MAGED1: variants seen among roughly 807,000 people sequenced by gnomAD.
The protein encoded by MAGED1 is MAGE family member D1, also known as melanoma-associated antigen D1.
A neutral mutation model predicts 54.1 loss-of-function variants in MAGED1; 3 were observed. The ratio of observed to expected loss-of-function variants is 0.06; its 90% CI spans 0.03 to 0.14. MAGED1 has a LOEUF of 0.14. Ranked by LOEUF, MAGED1 falls within the 10% of genes least tolerant of loss-of-function variation. MAGED1 has a pLI of 1.00. For synonymous variants in MAGED1, 217 were observed against 227.3 expected, an observed-to-expected ratio of 0.95 and a Z score of 0.41; for missense variants, 485 against 623.4, an observed-to-expected ratio of 0.78 and a Z score of 2.36.
At chrX:51,862,774 CCTAT>C (rs1602244606) in intron 1 of MAGED1, among the ~76,000 whole-genome samples, 1 of 111,323 alleles carries the variant, frequency 9.0e-6, no homozygotes, top group East Asian at 2.8e-4. Flanking sequence ...TGATGAAAGT[CCTAT>C]CTGTCTAATT....
chrX:51,898,668 C>G, intron 10 of MAGED1, 25 bp downstream of exon 10: 1 of 1,179,003 alleles, frequency 8.5e-7, no homozygotes, highest in African/African-American at 1.8e-5. Context: ...AGGGGCTTTT[C>G]CTGCTTCTTA....
rs1557364064 is a variant in MAGED1 at position 51,895,256 on chromosome X, C to G, written c.249C>G (p.Ala83=). The G allele has an allele frequency of 8.3e-7, 1 of 1,211,495 alleles. No homozygotes were observed. Among genetic ancestry groups the G allele is most frequent in the Non-Finnish European group, 1.1e-6 (1 of 895,334 alleles). The change falls in exon 3 of 13, where the codon GCC becomes GCG. Residue 83 remains alanine (A), a synonymous_variant. Transcript: ENST00000326587. The stretch of plus-strand genomic sequence containing the variant: ...AGTCAGCCTTTAAAGTCCAGAATGC[C>G]ACCACAAAAGGCCCAAATGGTGTCT... The part of the protein sequence containing the change: ...RPKSAFKVQN[A]TTKGPNGVYD...
intron 1 of MAGED1, among the ~76,000 whole-genome samples, chrX:51,866,030 A>T (rs782647075): frequency 1.8e-5 from 2 of 112,063 alleles, no homozygotes; most frequent in Non-Finnish European, 3.8e-5. Context: ...GTGGAACCAT[A>T]AACTAATTAA....
At chrX:51,834,693 C>G (rs1054496362) in intron 1 of MAGED1, among the ~76,000 whole-genome samples, 2 of 111,123 alleles carry the variant, frequency 1.8e-5, no homozygotes, top group African/African-American at 6.5e-5. Flanking sequence ...GTTAGTGTTG[C>G]AAATATCTGC....
chrX:51,880,040 T>C (rs1348331552), intron 1 of MAGED1, among the ~76,000 whole-genome samples: 1 of 112,841 alleles, frequency 8.9e-6, no homozygotes, highest in African/African-American at 3.2e-5. Flanking sequence ...GACTACAAAA[T>C]AGAATTGTCT....
rs1296824135 is a variant in MAGED1 at position 51,895,382 on chromosome X, C to T, written c.375C>T (p.Ala125=). The T allele has an allele frequency of 9.1e-6, 11 of 1,205,725 alleles. No individual in the cohort carries two copies. Among genetic ancestry groups the T allele is most frequent in the Non-Finnish European group, 1.2e-5 (11 of 892,897 alleles). ...QNATPKGPNA[A]YDFSQAATTG... ...CTACCCCAAAGGGTCCAAATGCTGC[C>T]TATGATTTTTCCCAGGCAGCAACCA... The change falls in exon 3 of 13, where the codon GCC becomes GCT. Residue 125 remains alanine (A), a synonymous_variant. Transcript: ENST00000326587.
intron 1 of MAGED1, among the ~76,000 whole-genome samples, chrX:51,859,785 A>C (rs1557360480): frequency 9.0e-6 from 1 of 111,224 alleles, no homozygotes; most frequent in Non-Finnish European, 1.9e-5. Context: ...ACTAAAGGAG[A>C]GGTCAGAGAG....
intron 9 of MAGED1, 71 bp downstream of exon 9, chrX:51,898,398 G>A (rs1312708616): frequency 8.8e-7 from 1 of 1,133,871 alleles, no homozygotes; most frequent in African/African-American, 1.8e-5. Context: ...TCCCAGGATT[G>A]CATTAACCTG....
At chrX:51,807,597 T>G (rs1472681823) in intron 1 of MAGED1, among the ~76,000 whole-genome samples, 2 of 112,052 alleles carry the variant, frequency 1.8e-5, no homozygotes, top group East Asian at 5.6e-4. Flanking sequence ...TTTTTGTGTA[T>G]ATTGTCAGTA....
At chrX:51,841,491 T>G (rs1306080534) in intron 1 of MAGED1, among the ~76,000 whole-genome samples, 3 of 111,392 alleles carry the variant, frequency 2.7e-5, no homozygotes, top group Admixed American at 1.9e-4. Context: ...TTTGGTGTTT[T>G]AGACATGAAG....
At chrX:51,892,062 C>T (rs1349143444), upstream of MAGED1, among the ~76,000 whole-genome samples, 1 of 112,499 alleles carries the variant, frequency 8.9e-6, no homozygotes, top group Non-Finnish European at 1.9e-5. Context: ...AGCTTCCTTT[C>T]ATGTTCAGGC....
chrX:51,812,657 C>G (rs1403620964), intron 1 of MAGED1, among the ~76,000 whole-genome samples: 3 of 111,845 alleles, frequency 2.7e-5, no homozygotes, highest in Non-Finnish European at 5.6e-5. Flanking sequence ...ATTCATTCAT[C>G]AGATTGTAGA....
chrX:51,823,382 T>G (rs2146958456), intron 1 of MAGED1, among the ~76,000 whole-genome samples: 1 of 112,179 alleles, frequency 8.9e-6, no homozygotes, highest in Admixed American at 9.4e-5. Context: ...AATGTTATTC[T>G]TTGTCTGTTT....
intron 1 of MAGED1, among the ~76,000 whole-genome samples, chrX:51,808,612 G>T (rs1025330875): frequency 9.0e-6 from 1 of 111,712 alleles, no homozygotes; most frequent in Admixed American, 9.5e-5. Flanking sequence ...GGGAGGCTGA[G>T]GGGGGAGGAT....
chrX:51,871,059 G>A (rs1361599065), intron 1 of MAGED1, among the ~76,000 whole-genome samples: 2 of 112,377 alleles, frequency 1.8e-5, no homozygotes, highest in South Asian at 3.7e-4. Flanking sequence ...TAATGGCCTC[G>A]GTGACAACAG....
chrX:51,827,384 G>T (rs782649054), intron 1 of MAGED1, among the ~76,000 whole-genome samples: 23 of 112,429 alleles, frequency 2.0e-4, no homozygotes, highest in African/African-American at 7.4e-4. Context: ...GGGTTTGGGG[G>T]TTGGGAATGG....
At chrX:51,870,298 G>A (rs1927620404) in intron 1 of MAGED1, among the ~76,000 whole-genome samples, 1 of 112,019 alleles carries the variant, frequency 8.9e-6, no homozygotes, top group Non-Finnish European at 1.9e-5. Context: ...GAATTAAAGT[G>A]AACAAAAAAC....
At chrX:51,889,627 C>CAAAA (rs1170454113), upstream of MAGED1, among the ~76,000 whole-genome samples, 2 of 16,908 alleles carry the variant, frequency 1.2e-4, no homozygotes, top group Non-Finnish European at 2.6e-4. Flanking sequence ...GACTCTGTCT[C>CAAAA]AAAAAAAAAA....
chrX:51,810,926 C>A (rs1557355482), intron 1 of MAGED1, among the ~76,000 whole-genome samples: 2 of 111,606 alleles, frequency 1.8e-5, no homozygotes, highest in South Asian at 7.6e-4. Context: ...AGTCTATTTA[C>A]CACAGACATG....
Sources: gnomAD v4.1 joint callset for allele counts (sites outside exome capture counted in the v4.1 genomes callset) on GRCh38, gnomAD v4.1.1 for gene constraint, MANE v1.5 for transcripts, NCBI Gene and HGNC (gene_info 2026-07-23, HGNC 2026-07-21) for gene names.